WWC1: variants seen among roughly 807,000 people sequenced by gnomAD.
WWC1 encodes the protein protein KIBRA.
A neutral mutation model predicts 138.4 loss-of-function variants in WWC1; 55 were observed. The ratio of observed to expected loss-of-function variants is 0.40; its 90% CI spans 0.32 to 0.50. The LOEUF (loss-of-function observed/expected upper bound fraction) is 0.50. WWC1 is among the 20% of genes least tolerant of loss of function. The pLI, the probability that WWC1 is intolerant of heterozygous loss-of-function variation, is 0.72. For synonymous variants in WWC1, 524 were observed against 564.9 expected (o/e 0.93, Z 1.03); for missense variants, 1,226 against 1,420.4 (o/e 0.86, Z 2.20).
chr5:168,365,269 G>A (rs1776196557), intron 1 of WWC1, among the ~76,000 whole-genome samples: 1 of 152,146 alleles, frequency 6.6e-6, no homozygotes, highest in African/African-American at 2.4e-5. Flanking sequence ...GGGGAGGAGA[G>A]GTTCGGCTGA....
intron 5 of WWC1, among the ~76,000 whole-genome samples, chr5:168,401,101 A>G (rs1779275699): frequency 6.6e-6 from 1 of 152,052 alleles, no homozygotes; most frequent in Non-Finnish European, 1.5e-5. Flanking sequence ...GAAAAAAAGG[A>G]AAAAAAGAAA....
intron 19 of WWC1, among the ~76,000 whole-genome samples, chr5:168,460,124 G>C (rs983481207): frequency 6.6e-6 from 1 of 152,176 alleles, no homozygotes; most frequent in South Asian, 2.1e-4. Context: ...CCTTTAAGCT[G>C]TCTTTTTCTT....
At chr5:168,293,649 C>T (rs1274133276) in intron 1 of WWC1, among the ~76,000 whole-genome samples, 1 of 152,118 alleles carries the variant, frequency 6.6e-6, no homozygotes, top group African/African-American at 2.4e-5. Flanking sequence ...CTCTGAGCCT[C>T]AGTTTCCCTG....
chr5:168,468,620 G>A (rs1337866580), intron 22 of WWC1, among the ~76,000 whole-genome samples: 2 of 152,144 alleles, frequency 1.3e-5, no homozygotes, highest in Non-Finnish European at 2.9e-5. Flanking sequence ...ATTAGAAGTG[G>A]CCCAAGGGTC....
intron 1 of WWC1, among the ~76,000 whole-genome samples, chr5:168,327,760 G>A (rs948776177): frequency 1.3e-5 from 2 of 152,318 alleles, no homozygotes; most frequent in African/African-American, 2.4e-5. Flanking sequence ...CCTGAGTGTG[G>A]TATAGCATTA....
intron 1 of WWC1, among the ~76,000 whole-genome samples, chr5:168,337,106 G>T (rs927872480): frequency 3.3e-5 from 5 of 151,344 alleles, no homozygotes; most frequent in Non-Finnish European, 5.9e-5. Context: ...CTCACCCTGT[G>T]CTCCTCATAC....
intron 1 of WWC1, among the ~76,000 whole-genome samples, chr5:168,340,773 T>C (rs949585639): frequency 1.3e-5 from 2 of 152,242 alleles, no homozygotes; most frequent in Non-Finnish European, 2.9e-5. Flanking sequence ...TTTTGGCTAT[T>C]ATGAATGAAT....
At chr5:168,338,951 A>G (rs940805679) in intron 1 of WWC1, among the ~76,000 whole-genome samples, 1 of 152,188 alleles carries the variant, frequency 6.6e-6, no homozygotes, top group African/African-American at 2.4e-5. Flanking sequence ...ATAGTTTCAA[A>G]TAGCTAGGAG....
At chr5:168,441,355 C>T (rs1410685784) in intron 15 of WWC1, among the ~76,000 whole-genome samples, 3 of 151,944 alleles carry the variant, frequency 2.0e-5, no homozygotes, top group South Asian at 2.1e-4. Context: ...CAACAATGTG[C>T]GTAATGTTTA....
intron 1 of WWC1, among the ~76,000 whole-genome samples, chr5:168,369,616 C>T (rs989244121): frequency 3.3e-5 from 5 of 152,206 alleles, no homozygotes; most frequent in Non-Finnish European, 5.9e-5. Context: ...GCCTCATCCT[C>T]ATGGAACCAG....
chr5:168,299,219 A>G lies in WWC1; in HGVS notation c.119+6948A>G, dbSNP rs1453505987. 2.0e-5 allele frequency among the ~76,000 whole-genome samples: 3 copies of G among 152,290 alleles called. 1 individual carries two copies. The highest frequency in any genetic ancestry group is 7.2e-5 in the African/African-American group (3 of 41,556). The stretch of plus-strand genomic sequence containing the variant: ...GGTCTGGCTCTGTCCTGGCTTATTA[A>G]TCCATCTCAGGGCCCCAGAGTGCCC... On this transcript the variant is annotated intron_variant, in intron 1 of 22. Transcript: ENST00000265293.
At chr5:168,446,337 G>A (rs1755266220) in intron 17 of WWC1, among the ~76,000 whole-genome samples, 1 of 145,622 alleles carries the variant, frequency 6.9e-6, no homozygotes, top group Admixed American at 7.0e-5. Context: ...TAATCAAAAT[G>A]TCTGAACATT....
chr5:168,298,154 T>C (rs1016457711), intron 1 of WWC1, among the ~76,000 whole-genome samples: 4 of 152,148 alleles, frequency 2.6e-5, no homozygotes, highest in Non-Finnish European at 4.4e-5. Flanking sequence ...TTCTCGTGCC[T>C]CAGCCTCCCG....
chr5:168,395,097 G>A (rs997646749), intron 3 of WWC1, among the ~76,000 whole-genome samples: 7 of 152,160 alleles, frequency 4.6e-5, no homozygotes, highest in South Asian at 4.1e-4. Flanking sequence ...CAAGGAACAC[G>A]ATGCATGCCT....
At chr5:168,371,695 G>A (rs1287099590) in intron 2 of WWC1, among the ~76,000 whole-genome samples, 162 bp downstream of exon 2, 1 of 152,132 alleles carries the variant, frequency 6.6e-6, no homozygotes, top group African/African-American at 2.4e-5. Context: ...GATATAGATA[G>A]ATAATGTATG....
intron 6 of WWC1, 84 bp from the exon 7 acceptor site, chr5:168,408,423 A>T: frequency 6.7e-7 from 1 of 1,503,196 alleles, no homozygotes; most frequent in Non-Finnish European, 9.1e-7. Context: ...AAGGGAGGGT[A>T]GAGAGGGAAG....
At chr5:168,430,103 T>C (rs1427451049) in intron 13 of WWC1, 34 bp from the exon 14 acceptor site, 2 of 1,510,106 alleles carry the variant, frequency 1.3e-6, no homozygotes, top group Non-Finnish European at 1.8e-6. Flanking sequence ...AGTGTGTTAC[T>C]AATAGGTACT....
intron 1 of WWC1, among the ~76,000 whole-genome samples, chr5:168,342,950 G>T (rs549637689): frequency 5.3e-5 from 8 of 152,254 alleles, no homozygotes; most frequent in African/African-American, 1.9e-4. Flanking sequence ...GGGAGCAAGG[G>T]GTGTTTCCAG....
intron 1 of WWC1, among the ~76,000 whole-genome samples, chr5:168,323,863 T>C (rs943048254): frequency 3.3e-5 from 5 of 151,546 alleles, no homozygotes; most frequent in African/African-American, 1.2e-4. Flanking sequence ...ATGAGAAAAA[T>C]CTTAAAATCA....
Sources: gnomAD v4.1 joint callset for allele counts (sites outside exome capture counted in the v4.1 genomes callset) on GRCh38, gnomAD v4.1.1 for gene constraint, MANE v1.5 for transcripts, NCBI Gene and HGNC (gene_info 2026-07-23, HGNC 2026-07-21) for gene names.